Variants in ZNF775 observed in about 807,000 individuals in gnomAD.
ZNF775 encodes zinc finger protein 775.
A neutral mutation model predicts 2.4 loss-of-function variants in ZNF775; 1 was observed. The observed-to-expected ratio is 0.41, with a 90% CI of 0.15 to 1.94. ZNF775 has a LOEUF of 1.94. Among genes scored for constraint, ZNF775 ranks in the 30% most tolerant of loss-of-function variants. The pLI, the probability that ZNF775 is intolerant of heterozygous loss-of-function variation, is 0.30. For synonymous variants in ZNF775, 381 were observed against 373.3 expected (o/e 1.02, Z -0.24); for missense variants, 823 against 826.6 (o/e 1.00, Z 0.05).
chr7:150,386,582 G>C (rs1473811571), intron 1 of ZNF775, among the ~76,000 whole-genome samples: 1 of 152,110 alleles, frequency 6.6e-6, no homozygotes, highest in Non-Finnish European at 1.5e-5. Flanking sequence ...GTGTTTCTGT[G>C]GGGGTGGCCG....
intron 1 of ZNF775, among the ~76,000 whole-genome samples, chr7:150,383,109 T>C (rs1168832365): frequency 6.6e-6 from 1 of 152,236 alleles, no homozygotes; most frequent in Admixed American, 6.5e-5. Context: ...CTTTGAACTT[T>C]TGTTTACTTA....
chr7:150,397,945 C>G lies in ZNF775; in HGVS notation c.1464C>G (p.Asn488Lys). 1 of 1,601,036 alleles carries G rather than the reference C, an allele frequency of 6.2e-7. No homozygotes were observed. The highest frequency in any genetic ancestry group is 8.5e-7 in the Non-Finnish European group (1 of 1,178,628). Residue 488 changes from asparagine (N) to lysine (K), a missense_variant, in exon 3 of 3, where the codon AAC (asparagine) becomes AAG (lysine). Transcript: ENST00000329630. ...GCCGCCGCTTCAGCCAGAAGCCCAA[C>G]CTGACGCGGCACCGGCGCAACCACA... The part of the protein sequence containing the change: ...ECGRRFSQKP[N>K]LTRHRRNHTG...
chr7:150,396,509 G>A lies in ZNF775; in HGVS notation c.32-4G>A, dbSNP rs760610496. ...CCCTCCTCTCTCCCGCTTGCCTCTG[G>A]CAGGAGCTGGGCTGGTGATGAAGGT... is the stretch of plus-strand genomic sequence containing the variant. On this transcript the variant is annotated splice_region_variant and splice_polypyrimidine_tract_variant and intron_variant, in intron 2 of 2. Coordinates refer to ENST00000329630, the MANE Select transcript of ZNF775 (RefSeq NM_173680.4). 14 of 1,585,394 alleles carry A rather than the reference G, an allele frequency of 8.8e-6. No homozygotes were observed. The highest frequency in any genetic ancestry group is 1.2e-5 in the Non-Finnish European group (14 of 1,169,096).
Position 150,382,308 on chromosome 7 carries a change from T to G in ZNF775, c.-50+2916T>G, listed in dbSNP as rs1165654530. The stretch of plus-strand genomic sequence containing the variant: ...CTGCCCGATGCATCCGGCTCAGGCT[T>G]GCCGCCCTGTGGTGCTCCTCCCAAA... On this transcript the variant is annotated intron_variant, in intron 1 of 2. Coordinates refer to ENST00000329630, the MANE Select transcript of ZNF775 (RefSeq NM_173680.4). This position sits in a 1 kb window ranked among gnomAD's most constrained non-coding sequence, Gnocchi z 4.6. 6.6e-6 allele frequency among the ~76,000 whole-genome samples: 1 copy of G among 152,144 alleles called. No individual in the cohort carries two copies. The highest frequency in any genetic ancestry group is 1.9e-4 in the East Asian group (1 of 5,190).
In ZNF775 at chr7:150,384,511, C is replaced by T. The variant is rs1800418346; in HGVS notation, c.-49-3911C>T. On this transcript the variant is annotated intron_variant, in intron 1 of 2. Coordinates refer to ENST00000329630, the MANE Select transcript of ZNF775 (RefSeq NM_173680.4). The surrounding 1 kb of genome is among the most constrained non-coding windows in gnomAD (Gnocchi z 4.1). ...ACGTGTGTGTCTGGCCAGCCTGGAACATGACACATGGAGGGCTTTCCTGGA... is the reference window on the plus strand; with the variant it reads ...ACGTGTGTGTCTGGCCAGCCTGGAATATGACACATGGAGGGCTTTCCTGGA... Among the ~76,000 whole-genome samples, 1 of 152,194 alleles carries T rather than the reference C, an allele frequency of 6.6e-6. No individual in the cohort carries two copies. The highest frequency in any genetic ancestry group is 6.5e-5 in the Admixed American group (1 of 15,288).
chr7:150,389,562 C>T (rs1276615171), intron 2 of ZNF775, among the ~76,000 whole-genome samples: 3 of 152,192 alleles, frequency 2.0e-5, no homozygotes, highest in African/African-American at 4.8e-5. Context: ...ATGTGCCCAG[C>T]GTGTTATAGA....
At chr7:150,390,940 G>A (rs564895295) in intron 2 of ZNF775, among the ~76,000 whole-genome samples, 1 of 152,324 alleles carries the variant, frequency 6.6e-6, no homozygotes, top group African/African-American at 2.4e-5. Flanking sequence ...TTGTTCTCCT[G>A]TGTAGTGTCC....
At chr7:150,391,239 G>A (rs1168559648) in intron 2 of ZNF775, among the ~76,000 whole-genome samples, 1 of 152,236 alleles carries the variant, frequency 6.6e-6, no homozygotes, top group Non-Finnish European at 1.5e-5. Flanking sequence ...CAGGCGCGGT[G>A]GCTCACGCCT....
intron 2 of ZNF775, among the ~76,000 whole-genome samples, chr7:150,390,554 A>G (rs1585086705): frequency 6.6e-6 from 1 of 152,370 alleles, no homozygotes; most frequent in Middle Eastern, 3.4e-3. Flanking sequence ...ATTCAATCAG[A>G]TGATTCATAT....
chr7:150,391,710 T>TCTTTC (rs1563259001), intron 2 of ZNF775, among the ~76,000 whole-genome samples: 4 of 142,316 alleles, frequency 2.8e-5, no homozygotes, highest in African/African-American at 1.0e-4. Flanking sequence ...TTCTTTCTTT[T>TCTTTC]TTTTTTTTTT....
In ZNF775 at chr7:150,397,764, C is replaced by T. The variant is rs778946651; in HGVS notation, c.1283C>T (p.Thr428Met). 8.8e-4 allele frequency: 1,336 copies of T among 1,517,720 alleles called. 2 individuals are homozygous for T. Among genetic ancestry groups the T allele is most frequent in the Non-Finnish European group, 1.1e-3 (1,238 of 1,137,160 alleles). 94.0% of individuals were successfully genotyped at this position (1,517,720 alleles called of 1,614,324 possible). The change falls in exon 3 of 3, where the codon ACG (threonine) becomes ATG (methionine). Residue 428 changes from threonine to methionine, a missense_variant. Physicochemically the swap from Thr to Met is moderately conservative, Grantham distance 81. Coordinates refer to ENST00000329630, the MANE Select transcript of ZNF775 (RefSeq NM_173680.4). ...CAACGGTCCCCGGGGGCCCGGGACA[C>T]GCTGTGGGGCCGGGGACAAGCGGGC... is the stretch of plus-strand genomic sequence containing the variant. The part of the protein sequence containing the change: ...SSQRSPGARD[T>M]LWGRGQAGLA...
rs531691642 is a variant in ZNF775 at position 150,382,475 on chromosome 7, G to A, written c.-50+3083G>A. ...TCTTGATTAAGACATGGGGTCCTGA[G>A]GGGAGGGACCAGGAAGGGTGGCCTT... On this transcript the variant is annotated intron_variant, in intron 1 of 2. Transcript: ENST00000329630. This position sits in a 1 kb window ranked among gnomAD's most constrained non-coding sequence, Gnocchi z 4.6. Among the ~76,000 whole-genome samples, 1 of 152,302 alleles carries A rather than the reference G, an allele frequency of 6.6e-6. No individual in the cohort carries two copies. The highest frequency in any genetic ancestry group is 2.1e-4 in the South Asian group (1 of 4,826).
In ZNF775 at chr7:150,397,746, C is replaced by G; in HGVS notation, c.1265C>G (p.Ser422Cys). The change falls in exon 3 of 3, where the codon TCC becomes TGC. Residue 422 changes from serine (S) to cysteine (C), a missense_variant. By Grantham distance (112) the Ser-to-Cys change is moderately radical. Transcript: ENST00000329630. ...LAARPRSSQRSPGARDTLWGR... is the reference protein window; with the variant it reads ...LAARPRSSQRCPGARDTLWGR... Reference sequence around the variant, plus strand: ...GCGAGGCCGCGGAGCTCCCAACGGTCCCCGGGGGCCCGGGACACGCTGTGG... The same window carrying G: ...GCGAGGCCGCGGAGCTCCCAACGGTGCCCGGGGGCCCGGGACACGCTGTGG... 6.8e-7 allele frequency: 1 copy of G among 1,478,130 alleles called. No individual in the cohort carries two copies. The allele number at this position is 1,478,130 out of a possible 1,614,324, so 91.6% of individuals were successfully genotyped here.
chr7:150,397,807 G>A lies in ZNF775; in HGVS notation c.1326G>A (p.Glu442=). Residue 442 remains glutamate (E), a synonymous_variant, in exon 3 of 3, where the codon GAG becomes GAA. Transcript: ENST00000329630. ...RGQAGLAGPG[E]PRQFICNECG... ...AAGCGGGCCTCGCTGGGCCTGGCGA[G>A]CCGCGCCAGTTCATCTGCAACGAGT... 1 of 1,578,818 alleles carries A rather than the reference G, an allele frequency of 6.3e-7. No individual in the cohort carries two copies. Among genetic ancestry groups the A allele is most frequent in the Non-Finnish European group, 8.6e-7 (1 of 1,167,240 alleles).
In ZNF775 at chr7:150,396,972, G is replaced by C; in HGVS notation, c.491G>C (p.Cys164Ser). The change falls in exon 3 of 3, where the codon TGC (cysteine) becomes TCC (serine). Residue 164 changes from cysteine (C) to serine (S), a missense_variant. Cys to Ser is a moderately radical substitution (Grantham distance 112). Coordinates refer to ENST00000329630, the MANE Select transcript of ZNF775 (RefSeq NM_173680.4). ...CACCACACGGGCGAGCGACCCTTCTGCTGCCCCGAGTGCGCGCGGCGCTTC... is the reference window on the plus strand; with the variant it reads ...CACCACACGGGCGAGCGACCCTTCTCCTGCCCCGAGTGCGCGCGGCGCTTC... ...QRHHTGERPFCCPECARRFSQ... is the reference protein window; with the variant it reads ...QRHHTGERPFSCPECARRFSQ... 1.9e-6 allele frequency: 3 copies of C among 1,599,118 alleles called. No individual in the cohort carries two copies. The highest frequency in any genetic ancestry group is 2.5e-6 in the Non-Finnish European group (3 of 1,179,012).
chr7:150,397,119 A>T lies in ZNF775; in HGVS notation c.638A>T (p.His213Leu). 3 of 1,524,174 alleles carry T rather than the reference A, an allele frequency of 2.0e-6. No individual in the cohort carries two copies. The highest frequency in any genetic ancestry group is 2.6e-6 in the Non-Finnish European group (3 of 1,144,422). The allele number at this position is 1,524,174 out of a possible 1,614,324, so 94.4% of individuals were successfully genotyped here. A position where few individuals can be genotyped will look rare whatever the true frequency, so the allele number is the denominator to read the frequency against. ...QVGLRIHQRA[H>L]ARDRQGSRAG... is the part of the protein sequence containing the mutation. The stretch of plus-strand genomic sequence containing the variant: ...GGCCTCCGCATCCACCAGCGCGCGC[A>T]CGCCCGGGACCGCCAGGGCTCCCGC... Residue 213 changes from histidine to leucine, a missense_variant, in exon 3 of 3, where the codon CAC (histidine) becomes CTC (leucine). His to Leu is a moderately conservative substitution (Grantham distance 99). Coordinates refer to ENST00000329630, the MANE Select transcript of ZNF775 (RefSeq NM_173680.4).
chr7:150,396,849 A>G lies in ZNF775; in HGVS notation c.368A>G (p.Lys123Arg), dbSNP rs962644146. ...GKRFSWWSSL[K>R]IHQRTHTGEK... Reference sequence around the variant, plus strand: ...AGGTTCAGCTGGTGGTCGTCCCTGAAGATCCACCAGCGCACCCACACCGGG... The same window carrying G: ...AGGTTCAGCTGGTGGTCGTCCCTGAGGATCCACCAGCGCACCCACACCGGG... The change falls in exon 3 of 3, where the codon AAG becomes AGG. Residue 123 changes from lysine to arginine, a missense_variant. Transcript: ENST00000329630. 1 of 1,603,126 alleles carries G rather than the reference A, an allele frequency of 6.2e-7. No individual in the cohort carries two copies. The highest frequency in any genetic ancestry group is 8.5e-7 in the Non-Finnish European group (1 of 1,179,606).
chr7:150,386,181 C>T (rs1800449058), intron 1 of ZNF775, among the ~76,000 whole-genome samples: 1 of 152,148 alleles, frequency 6.6e-6, no homozygotes, highest in Non-Finnish European at 1.5e-5. Context: ...GGTGATCTAC[C>T]CACCTCAGCC....
intron 2 of ZNF775, among the ~76,000 whole-genome samples, chr7:150,394,020 C>T (rs934971762): frequency 6.6e-5 from 10 of 152,170 alleles, no homozygotes; most frequent in East Asian, 5.8e-4. Context: ...CTTTTAATGT[C>T]GTATAAGCCA....
Sources: allele counts gnomAD v4.1 joint callset (sites outside exome capture counted in the v4.1 genomes callset), GRCh38; gene constraint gnomAD v4.1.1; non-coding constraint Gnocchi (gnomAD v3.1); transcripts MANE v1.5; gene names NCBI Gene and HGNC (gene_info 2026-07-23, HGNC 2026-07-21).